Variants in NUP214 observed in about 807,000 individuals in gnomAD.
NUP214 encodes nuclear pore complex protein Nup214.
Under a neutral mutation model 196.2 loss-of-function variants are expected in NUP214, and 79 were observed. The observed-to-expected ratio is 0.40, with a 90% CI of 0.34 to 0.49. NUP214 has a LOEUF of 0.49. Ranked by LOEUF, NUP214 falls within the 20% of genes least tolerant of loss-of-function variation. NUP214 has a pLI of 0.58. For synonymous variants in NUP214, 1,020 were observed against 990.5 expected, an observed-to-expected ratio of 1.03 and a Z score of -0.56; for missense variants, 2,468 against 2,539.0, an observed-to-expected ratio of 0.97 and a Z score of 0.60.
At chr9:131,186,224 G>C (rs1412713889) in intron 24 of NUP214, among the ~76,000 whole-genome samples, 2 of 152,202 alleles carry the variant, frequency 1.3e-5, no homozygotes, top group Admixed American at 6.5e-5. Context: ...TTTCTCCAGA[G>C]AGATGCATAT....
Position 131,144,692 on chromosome 9 carries a change from T to C in NUP214, c.1707T>C (p.Asn569=). The change falls in exon 12 of 36, where the codon AAT becomes AAC. Residue 569 remains asparagine (N), a synonymous_variant. Coordinates refer to ENST00000359428, the MANE Select transcript of NUP214 (RefSeq NM_005085.4). ...STPVPSVSAP[N]IAMKPSFPPS... ...CAGTGCCAAGTGTGTCTGCTCCAAA[T>C]ATAGCAATGAAGCCCTCCTTCCCAC... The C allele has an allele frequency of 1.2e-6, 2 of 1,614,102 alleles. No individual in the cohort carries two copies. The highest frequency in any genetic ancestry group is 2.2e-5 in the East Asian group (1 of 44,890).
chr9:131,154,373 C>T (rs139536971), intron 17 of NUP214, among the ~76,000 whole-genome samples: 2 of 152,192 alleles, frequency 1.3e-5, no homozygotes, highest in Non-Finnish European at 2.9e-5. Context: ...TAGCCCTTAC[C>T]GCCCTCTCTC....
chr9:131,141,478 C>CTTTTTTTTTTTTTT (rs3057295), intron 11 of NUP214, among the ~76,000 whole-genome samples: 1 of 118,716 alleles, frequency 8.4e-6, no homozygotes, highest in African/African-American at 3.2e-5. Context: ...TGAAAAGAAA[C>CTTTTTTTTTTTTTT]TTTTTTTTTT....
chr9:131,212,743 A>G (rs1182682667), intron 30 of NUP214, among the ~76,000 whole-genome samples: 1 of 152,142 alleles, frequency 6.6e-6, no homozygotes, highest in Admixed American at 6.5e-5. Flanking sequence ...TTAAGGCATT[A>G]TTGTTAAAAT....
intron 17 of NUP214, among the ~76,000 whole-genome samples, chr9:131,156,013 A>G (rs935937581): frequency 1.3e-5 from 2 of 152,068 alleles, no homozygotes; most frequent in African/African-American, 4.8e-5. Flanking sequence ...TAGTTCTGTG[A>G]AGAATGATGA....
At chr9:131,134,831 T>G (rs1831668720) in intron 7 of NUP214, 67 bp from the exon 8 acceptor site, 2 of 930,782 alleles carry the variant, frequency 2.1e-6, no homozygotes, top group South Asian at 2.8e-5. Flanking sequence ...TTATTTGAGA[T>G]TCTTTTGCTG....
chr9:131,174,885 T>C (rs963163718), intron 22 of NUP214, among the ~76,000 whole-genome samples: 1 of 152,230 alleles, frequency 6.6e-6, no homozygotes, highest in Non-Finnish European at 1.5e-5. Context: ...TATAACAGTT[T>C]TTCTGCTGAG....
rs983098084 is a variant in NUP214 at position 131,147,542 on chromosome 9, A to G, written c.1998A>G (p.Ser666=). The G allele has an allele frequency of 6.2e-7, 1 of 1,614,120 alleles. No individual in the cohort carries two copies. Among genetic ancestry groups the G allele is most frequent in the Non-Finnish European group, 8.5e-7 (1 of 1,179,994 alleles). ...SSPVPSMVQK[S]PRITPPAAKP... ...CAGTGCCCTCAATGGTACAGAAATCACCCAGGATAACCCCTCCAGCGGCAA... is the reference window on the plus strand; with the variant it reads ...CAGTGCCCTCAATGGTACAGAAATCGCCCAGGATAACCCCTCCAGCGGCAA... The change falls in exon 14 of 36, where the codon TCA becomes TCG. Residue 666 remains serine (S), a synonymous_variant. Transcript: ENST00000359428.
chr9:131,233,573 C>A lies in NUP214; in HGVS notation c.*86C>A. On this transcript the variant is annotated 3_prime_UTR_variant, in exon 36 of 36. Transcript: ENST00000359428. ...GAAATGCTGGAGCAGGCTGTTCAGA[C>A]CGACGTTGCCATCAAAACACATACA... 6.7e-7 allele frequency: 1 copy of A among 1,487,116 alleles called. No individual in the cohort carries two copies. Among genetic ancestry groups the A allele is most frequent in the Non-Finnish European group, 9.3e-7 (1 of 1,073,172 alleles). 92.1% of individuals were successfully genotyped at this position (1,487,116 alleles called of 1,614,324 possible). A position where few individuals can be genotyped will look rare whatever the true frequency, so the allele number is the denominator to read the frequency against.
rs145034762 is a variant in NUP214 at position 131,212,799 on chromosome 9, A to T, written c.5593-2413A>T. ...TAGTGATGGTTTTTTTTATAGATTT[A>T]TACAGGAAAATTAGTGGATGAAATG... On this transcript the variant is annotated intron_variant, in intron 30 of 35. Coordinates refer to ENST00000359428, the MANE Select transcript of NUP214 (RefSeq NM_005085.4). Among the ~76,000 whole-genome samples the T allele has an allele frequency of 5.0e-3, 767 of 152,326 alleles. 1 individual carries two copies. Among genetic ancestry groups the T allele is most frequent in the Middle Eastern group, 0.01 (3 of 294 alleles).
chr9:131,200,987 C>T (rs369872342), intron 29 of NUP214, among the ~76,000 whole-genome samples: 7 of 151,422 alleles, frequency 4.6e-5, no homozygotes, highest in African/African-American at 9.7e-5. Flanking sequence ...CCCCCATCCA[C>T]GTGGGGTTTG....
At chr9:131,148,051 G>T (rs1832136400) in intron 14 of NUP214, among the ~76,000 whole-genome samples, 1 of 152,230 alleles carries the variant, frequency 6.6e-6, no homozygotes, top group African/African-American at 2.4e-5. Context: ...GCCGGGCGTG[G>T]TGGCACGTAC....
intron 14 of NUP214, among the ~76,000 whole-genome samples, chr9:131,149,755 T>G (rs1397550236): frequency 6.6e-6 from 1 of 152,158 alleles, no homozygotes; most frequent in East Asian, 1.9e-4. Context: ...TGGTGTGACC[T>G]TATATGACCT....
At chr9:131,154,813 GAGT>G (rs887503860) in intron 17 of NUP214, among the ~76,000 whole-genome samples, 1 of 151,698 alleles carries the variant, frequency 6.6e-6, no homozygotes, top group South Asian at 2.1e-4. Context: ...TTTTATGGCT[GAGT>G]AGTAGTAGTT....
intron 10 of NUP214, among the ~76,000 whole-genome samples, chr9:131,140,215 CAG>C (rs1377695778): frequency 6.6e-6 from 1 of 152,144 alleles, no homozygotes; most frequent in Non-Finnish European, 1.5e-5. Context: ...TTCTCTTGGT[CAG>C]GGGAATGCCA....
At position 131,151,731 on chromosome 9, in the gene NUP214, TC is replaced by T. The variant is rs1426301488; in HGVS notation, c.2278-4del. 5 of 1,597,814 alleles carry T rather than the reference TC, an allele frequency of 3.1e-6. No individual in the cohort carries two copies. Among genetic ancestry groups the T allele is most frequent in the Non-Finnish European group, 4.3e-6 (5 of 1,175,714 alleles). On this transcript the variant is annotated splice_polypyrimidine_tract_variant and splice_region_variant and intron_variant, in intron 16 of 35. Transcript: ENST00000359428. Reference sequence around the variant, plus strand: ...TGTACCAACACATTATTGTACTTTTTCTAGTCGCTTCATGGAGATATAAGTA... The same window carrying T: ...TGTACCAACACATTATTGTACTTTTTTAGTCGCTTCATGGAGATATAAGTA...
chr9:131,133,310 T>C, intron 7 of NUP214, 101 bp downstream of exon 7: 1 of 656,236 alleles, frequency 1.5e-6, no homozygotes, highest in South Asian at 2.5e-5. Flanking sequence ...TTGTGTTTTT[T>C]TTTTTTTTTT....
chr9:131,215,897 ATTTTTTT>A lies in NUP214; in HGVS notation c.5749+545_5749+551del, dbSNP rs768564629. On this transcript the variant is annotated intron_variant, in intron 31 of 35. Coordinates refer to ENST00000359428, the MANE Select transcript of NUP214 (RefSeq NM_005085.4). ...TATCTGCCAGTACTTTCTTTAGCTAATTTTTTTTTTTTTTTTTTTTTTGAGACAGAGT... is the reference window on the plus strand; with the variant it reads ...TATCTGCCAGTACTTTCTTTAGCTAATTTTTTTTTTTTTTTGAGACAGAGT... 1.4e-4 allele frequency among the ~76,000 whole-genome samples: 17 copies of A among 123,710 alleles called. No individual in the cohort carries two copies. The East Asian group carries it at 2.2e-3, about 16-fold the overall frequency. 81.2% of individuals were successfully genotyped at this position (123,710 alleles called of 152,430 possible).
chr9:131,186,237 A>G (rs1421192354), intron 24 of NUP214, among the ~76,000 whole-genome samples: 2 of 152,170 alleles, frequency 1.3e-5, no homozygotes, highest in African/African-American at 4.8e-5. Context: ...ATGCATATTT[A>G]TAGCTGCTTC....
Sources: allele counts gnomAD v4.1 joint callset (sites outside exome capture counted in the v4.1 genomes callset), GRCh38; gene constraint gnomAD v4.1.1; transcripts MANE v1.5; gene names NCBI Gene and HGNC (gene_info 2026-07-23, HGNC 2026-07-21).